The following TRIP10 variants were observed in gnomAD, a reference collection of about 807,000 sequenced individuals.
TRIP10 encodes the protein cdc42-interacting protein 4.
A neutral mutation model predicts 80.9 loss-of-function variants in TRIP10; 54 were observed. That is an observed-to-expected ratio of 0.67 (90% confidence interval 0.54 to 0.84). The LOEUF (loss-of-function observed/expected upper bound fraction) is 0.84, where lower values mean the gene tolerates loss of function less well. Ranked by LOEUF, TRIP10 falls within the 40% of genes least tolerant of loss-of-function variation. TRIP10 has a pLI of 0.00. For missense variants in TRIP10, 773 were observed against 815.3 expected, an observed-to-expected ratio of 0.95 and a Z score of 0.63; for synonymous variants, 321 against 307.2, an observed-to-expected ratio of 1.04 and a Z score of -0.47.
Position 6,744,454 on chromosome 19 carries a change from TGGGG to T in TRIP10, c.643-99_643-96del. ...CTTCCCCTCCAGACTGGCTTGGGGCTGGGGCCAGCGTGGAGCGCGATCATATTTG... is the reference window on the plus strand; with the variant it reads ...CTTCCCCTCCAGACTGGCTTGGGGCTCCAGCGTGGAGCGCGATCATATTTG... On this transcript the variant is annotated intron_variant, in intron 7 of 14. Coordinates refer to ENST00000313244, the MANE Select transcript of TRIP10 (RefSeq NM_001288962.2). The surrounding 1 kb of genome is among the most constrained non-coding windows in gnomAD (Gnocchi z 4.9). 6.5e-7 allele frequency: 1 copy of T among 1,532,514 alleles called. No individual in the cohort carries two copies. The highest frequency in any genetic ancestry group is 8.9e-7 in the Non-Finnish European group (1 of 1,129,642). 94.9% of individuals were successfully genotyped at this position (1,532,514 alleles called of 1,614,324 possible). A position where few individuals can be genotyped will look rare whatever the true frequency, so the allele number is the denominator to read the frequency against.
rs1968979640 is a variant in TRIP10 at position 6,743,301 on chromosome 19, G to T, written c.408+45G>T. The T allele has an allele frequency of 1.9e-6, 3 of 1,608,770 alleles. No homozygotes were observed. In the East Asian group the frequency reaches 6.7e-5, roughly 36 times the overall value. On this transcript the variant is annotated intron_variant, in intron 5 of 14. Coordinates refer to ENST00000313244, the MANE Select transcript of TRIP10 (RefSeq NM_001288962.2). Reference sequence around the variant, plus strand: ...AGTGACTGTGGCCCGGAGGCATGGGGGCAGGGTTGCGGATCCGGAGTCAGG... The same window carrying T: ...AGTGACTGTGGCCCGGAGGCATGGGTGCAGGGTTGCGGATCCGGAGTCAGG...
chr19:6,751,262 A>C lies in TRIP10; in HGVS notation c.*51A>C. ...GGCTGTCGGCTGCTGCTTCTGGGCC[A>C]CGGGGAGCCCCAGGACCTATGCACT... On this transcript the variant is annotated 3_prime_UTR_variant, in exon 15 of 15. Transcript: ENST00000313244. 6.2e-7 allele frequency: 1 copy of C among 1,612,656 alleles called. No individual in the cohort carries two copies. The highest frequency in any genetic ancestry group is 2.2e-5 in the East Asian group (1 of 44,822).
intron 14 of TRIP10, 83 bp from the exon 15 acceptor site, chr19:6,750,980 C>A (rs1421181751): frequency 1.4e-6 from 2 of 1,427,178 alleles, no homozygotes; most frequent in Non-Finnish European, 1.8e-6. Flanking sequence ...TGGGCGAGAG[C>A]GAGGCTCTGT....
intron 2 of TRIP10, 48 bp downstream of exon 2, chr19:6,741,173 G>A (rs763304175): frequency 1.6e-5 from 26 of 1,613,528 alleles, no homozygotes; most frequent in East Asian, 2.2e-5. Flanking sequence ...GGGGCGACGG[G>A]GAGCGGTGGG....
In TRIP10 at chr19:6,743,211, G is replaced by A; in HGVS notation, c.363G>A (p.Arg121=). ...QERKMHFQEG[R]RAQQQLENGF... is the part of the protein sequence containing the mutation. ...TTCTGTAGCACTTCCAAGAAGGGCG[G>A]CGGGCCCAGCAGCAGCTGGAAAATG... The change falls in exon 5 of 15, where the codon CGG becomes CGA. Residue 121 remains arginine, a synonymous_variant. Transcript: ENST00000313244. The A allele has an allele frequency of 1.9e-6, 3 of 1,614,146 alleles. No individual in the cohort carries two copies. In the South Asian group the frequency reaches 3.3e-5, roughly 18 times the overall value.
In TRIP10 at chr19:6,746,674, A is replaced by G. The variant is rs750767523; in HGVS notation, c.1262+113A>G. Reference sequence around the variant, plus strand: ...TTATTTTATTATATTTTATTTTGTGACAGGGTCTTAGTCTGTCGTCCAGGC... The same window carrying G: ...TTATTTTATTATATTTTATTTTGTGGCAGGGTCTTAGTCTGTCGTCCAGGC... On this transcript the variant is annotated intron_variant, in intron 11 of 14. Coordinates refer to ENST00000313244, the MANE Select transcript of TRIP10 (RefSeq NM_001288962.2). The surrounding 1 kb of genome is among the most constrained non-coding windows in gnomAD (Gnocchi z 6.2). The G allele has an allele frequency of 4.2e-6, 3 of 706,956 alleles. No individual in the cohort carries two copies. Among genetic ancestry groups the G allele is most frequent in the African/African-American group, 1.9e-5 (1 of 52,184 alleles). The allele number at this position is 706,956 out of a possible 1,614,324, so 43.8% of individuals were successfully genotyped here. A position where few individuals can be genotyped will look rare whatever the true frequency, so the allele number is the denominator to read the frequency against.
rs766046716 is a variant in TRIP10, at chr19:6,746,565, A to C, written c.1262+4A>C. On this transcript the variant is annotated splice_donor_region_variant and intron_variant, in intron 11 of 14. Coordinates refer to ENST00000313244, the MANE Select transcript of TRIP10 (RefSeq NM_001288962.2). The surrounding 1 kb of genome is among the most constrained non-coding windows in gnomAD (Gnocchi z 6.2). ...TTCAGAAGGAGGTTGACCAGAGGTA[A>C]GGTGGTGGGGTAGGGAAGGACAGGC... 6 of 1,613,138 alleles carry C rather than the reference A, an allele frequency of 3.7e-6. No individual in the cohort carries two copies. Among genetic ancestry groups the C allele is most frequent in the Non-Finnish European group, 4.2e-6 (5 of 1,179,088 alleles).
rs774164250 is a variant in TRIP10 at position 6,744,646 on chromosome 19, A to T, written c.735A>T (p.Ile245=). ...CCGAGCTGGAGGTGGTGCCCATAAT[A>T]GCCAAGTGCTTGGAGGGCATGAAGG... The part of the protein sequence containing the change: ...SEAELEVVPI[I]AKCLEGMKVA... Residue 245 remains isoleucine, a synonymous_variant, in exon 8 of 15, where the codon ATA becomes ATT. Coordinates refer to ENST00000313244, the MANE Select transcript of TRIP10 (RefSeq NM_001288962.2). The surrounding 1 kb of genome is among the most constrained non-coding windows in gnomAD (Gnocchi z 4.9). The T allele has an allele frequency of 9.3e-6, 15 of 1,613,300 alleles. No homozygotes were observed. The Admixed American group carries it at 2.5e-4, about 27-fold the overall frequency.
chr19:6,739,904 C>T, intron 1 of TRIP10, 119 bp downstream of exon 1: 2 of 1,194,816 alleles, frequency 1.7e-6, no homozygotes, highest in Middle Eastern at 2.8e-4. Context: ...CCCCTGGGTC[C>T]CCGCCCTCCA....
Position 6,743,579 on chromosome 19 carries a change from C to A in TRIP10, c.494C>A (p.Thr165Asn). The A allele has an allele frequency of 6.3e-7, 1 of 1,599,110 alleles. No individual in the cohort carries two copies. Among genetic ancestry groups the A allele is most frequent in the Non-Finnish European group, 8.5e-7 (1 of 1,176,046 alleles). Residue 165 changes from threonine to asparagine, a missense_variant, in exon 6 of 15, where the codon ACC becomes AAC. Coordinates refer to ENST00000313244, the MANE Select transcript of TRIP10 (RefSeq NM_001288962.2). Reference protein sequence around the residue: ...AERLDQDINATKADVEKAKQQ... With the variant: ...AERLDQDINANKADVEKAKQQ... The stretch of plus-strand genomic sequence containing the variant: ...CGGCTAGACCAGGATATCAACGCCA[C>A]CAAGGCTGATGTGGAGAAGGTGTGT...
intron 11 of TRIP10, chr19:6,748,171 A>G (rs1194635963): frequency 6.6e-6 from 1 of 152,200 alleles, no homozygotes; most frequent in Non-Finnish European, 1.5e-5. Flanking sequence ...AGATTAAAAA[A>G]AAAATCTTTA....
chr19:6,739,744 G>T lies in TRIP10; in HGVS notation c.-18G>T, dbSNP rs1599555153. 2 of 1,387,780 alleles carry T rather than the reference G, an allele frequency of 1.4e-6. No individual in the cohort carries two copies. The highest frequency in any genetic ancestry group is 1.9e-6 in the Non-Finnish European group (2 of 1,063,684). 86.0% of individuals were successfully genotyped at this position (1,387,780 alleles called of 1,614,324 possible). A position where few individuals can be genotyped will look rare whatever the true frequency, so the allele number is the denominator to read the frequency against. Reference sequence around the variant, plus strand: ...GACCGGGTGCGGTGGTGGCTGCGGCGGCGGCGGCGGGAGCAGCATGGATTG... The same window carrying T: ...GACCGGGTGCGGTGGTGGCTGCGGCTGCGGCGGCGGGAGCAGCATGGATTG... On this transcript the variant is annotated 5_prime_UTR_variant, in exon 1 of 15. Transcript: ENST00000313244.
rs776732807 is a variant in TRIP10, at chr19:6,746,144, A to G, written c.1100A>G (p.Lys367Arg). Reference protein sequence around the residue: ...DPLAILSEISKSVKPRLASFR... With the variant: ...DPLAILSEISRSVKPRLASFR... ...TTGGCCATACTGAGCGAGATCAGTA[A>G]GTCGGTCAAACCGAGGCTAGCATCC... Residue 367 changes from lysine (K) to arginine (R), a missense_variant, in exon 10 of 15, where the codon AAG becomes AGG. Physicochemically the swap from Lys to Arg is conservative, Grantham distance 26. Coordinates refer to ENST00000313244, the MANE Select transcript of TRIP10 (RefSeq NM_001288962.2). The surrounding 1 kb of genome is among the most constrained non-coding windows in gnomAD (Gnocchi z 6.2). 2.6e-6 allele frequency: 4 copies of G among 1,547,504 alleles called. No homozygotes were observed. The highest frequency in any genetic ancestry group is 2.6e-6 in the Non-Finnish European group (3 of 1,145,658).
At position 6,744,286 on chromosome 19, in the gene TRIP10, T is replaced by G. The variant is rs549722105; in HGVS notation, c.643-268T>G. Among the ~76,000 whole-genome samples the G allele has an allele frequency of 1.1e-3, 173 of 152,294 alleles. No homozygotes were observed. Among genetic ancestry groups the G allele is most frequent in the African/African-American group, 4.1e-3 (171 of 41,560 alleles). ...TGGGAGTATCAGGGCTGGTTCTGCT[T>G]TTTCTTCAAATCCCTGTTCCCTTGT... On this transcript the variant is annotated intron_variant, in intron 7 of 14. Coordinates refer to ENST00000313244, the MANE Select transcript of TRIP10 (RefSeq NM_001288962.2). The surrounding 1 kb of genome is among the most constrained non-coding windows in gnomAD (Gnocchi z 4.9).
chr19:6,739,729 G>T lies in TRIP10; in HGVS notation c.-33G>T. The stretch of plus-strand genomic sequence containing the variant: ...GCGGCGGGCGGCGGGGACCGGGTGC[G>T]GTGGTGGCTGCGGCGGCGGCGGCGG... On this transcript the variant is annotated 5_prime_UTR_variant, in exon 1 of 15. Transcript: ENST00000313244. The T allele has an allele frequency of 7.4e-7, 1 of 1,354,884 alleles. No individual in the cohort carries two copies. 83.9% of individuals were successfully genotyped at this position (1,354,884 alleles called of 1,614,324 possible).
intron 13 of TRIP10, 36 bp from the exon 14 acceptor site, chr19:6,750,476 G>C: frequency 6.2e-7 from 1 of 1,613,940 alleles, no homozygotes; most frequent in Non-Finnish European, 8.5e-7. Context: ...GGTCCCAGGA[G>C]GGCCTGTCTT....
intron 3 of TRIP10, among the ~76,000 whole-genome samples, chr19:6,742,053 T>C (rs1430307088): frequency 6.6e-6 from 1 of 151,192 alleles, no homozygotes. Flanking sequence ...TTTTGACTTT[T>C]ATCCCACTTA....
rs767269254 is a variant in TRIP10, at chr19:6,750,599, C to T, written c.1623C>T (p.Pro541=). 3 of 1,614,238 alleles carry T rather than the reference C, an allele frequency of 1.9e-6. No individual in the cohort carries two copies. The highest frequency in any genetic ancestry group is 2.5e-6 in the Non-Finnish European group (3 of 1,180,046). Residue 541 remains proline (P), a synonymous_variant, in exon 14 of 15, where the codon CCC becomes CCT. Coordinates refer to ENST00000313244, the MANE Select transcript of TRIP10 (RefSeq NM_001288962.2). The part of the protein sequence containing the change: ...DEDFEEEPTS[P]IGHCVAIYHF... ...ATTTCGAGGAGGAACCCACATCCCC[C>T]ATAGGTCACTGTGTGGCCATCTACC...
At position 6,743,767 on chromosome 19, in the gene TRIP10, G is replaced by C. The variant is rs371193305; in HGVS notation, c.573G>C (p.Ala191=). Residue 191 remains alanine, a synonymous_variant, in exon 7 of 15, where the codon GCG becomes GCC. Coordinates refer to ENST00000313244, the MANE Select transcript of TRIP10 (RefSeq NM_001288962.2). The part of the protein sequence containing the change: ...HMAEESKNEY[A]AQLQRFNRDQ... ...CCGAAGAAAGCAAAAACGAATATGCGGCTCAACTGCAGCGCTTCAACCGAG... is the reference window on the plus strand; with the variant it reads ...CCGAAGAAAGCAAAAACGAATATGCCGCTCAACTGCAGCGCTTCAACCGAG... 6.2e-6 allele frequency: 10 copies of C among 1,613,930 alleles called. No individual in the cohort carries two copies. Among genetic ancestry groups the C allele is most frequent in the South Asian group, 2.2e-5 (2 of 91,058 alleles).
Sources: gnomAD v4.1 joint callset for allele counts (sites outside exome capture counted in the v4.1 genomes callset) on GRCh38, gnomAD v4.1.1 for gene constraint, Gnocchi (gnomAD v3.1) non-coding constraint, MANE v1.5 for transcripts, NCBI Gene and HGNC (gene_info 2026-07-23, HGNC 2026-07-21) for gene names.